HSPG2: variants seen among roughly 807,000 people sequenced by gnomAD.
HSPG2 encodes heparan sulfate proteoglycan 2.
Under a neutral mutation model 526.6 loss-of-function variants are expected in HSPG2, and 278 were observed. The ratio of observed to expected loss-of-function variants is 0.53; its 90% CI spans 0.48 to 0.58. HSPG2 has a LOEUF of 0.58. HSPG2 is among the 20% of genes least tolerant of loss of function. The pLI, the probability that HSPG2 is intolerant of heterozygous loss-of-function variation, is 0.00. For missense variants in HSPG2, 5,354 were observed against 6,099.5 expected (o/e 0.88, Z 4.07); for synonymous variants, 2,465 against 2,555.4 (o/e 0.96, Z 1.07).
At chr1:21,834,631 C>T (rs191535738) in intron 77 of HSPG2, 48 bp downstream of exon 77, 3 of 1,603,456 alleles carry the variant, frequency 1.9e-6, no homozygotes, top group East Asian at 4.5e-5. Context: ...CAGGAGAAGC[C>T]CCTGCCCCAC....
At chr1:21,919,194 G>A (rs143570824) in intron 1 of HSPG2, among the ~76,000 whole-genome samples, 28 of 152,318 alleles carry the variant, frequency 1.8e-4, no homozygotes, top group African/African-American at 6.5e-4. Context: ...GAGCAACCAA[G>A]GCTGGCGGAT....
intron 28 of HSPG2, 47 bp downstream of exon 28, chr1:21,874,359 G>T (rs775890756): frequency 6.2e-7 from 1 of 1,608,676 alleles, no homozygotes; most frequent in South Asian, 1.1e-5. Context: ...GGGAGCGGGT[G>T]GTAGACATTT....
intron 18 of HSPG2, 117 bp from the exon 19 acceptor site, chr1:21,878,780 C>T: frequency 8.2e-7 from 1 of 1,216,840 alleles, no homozygotes; most frequent in Non-Finnish European, 1.2e-6. Flanking sequence ...ATGACGCCAT[C>T]TCCCTGCCCG....
At chr1:21,901,485 G>A (rs1643100190) in intron 1 of HSPG2, among the ~76,000 whole-genome samples, 1 of 152,022 alleles carries the variant, frequency 6.6e-6, no homozygotes, top group Non-Finnish European at 1.5e-5. Flanking sequence ...CCTAGCAAGG[G>A]GTGGGCAATA....
chr1:21,872,461 C>A lies in HSPG2; in HGVS notation c.4030-84G>T, dbSNP rs1463840418. ...TGGGGCACGGGAGGGTGTTAAGGTG[C>A]GGAATGGGGTCCTGTTGAGATCAGG... On this transcript the variant is annotated intron_variant, in intron 32 of 96. Coordinates refer to ENST00000374695, the MANE Select transcript of HSPG2 (RefSeq NM_005529.7). This position sits in a 1 kb window ranked among gnomAD's most constrained non-coding sequence, Gnocchi z 5.5. 3.5e-6 allele frequency: 5 copies of A among 1,418,308 alleles called. No homozygotes were observed. The highest frequency in any genetic ancestry group is 4.9e-6 in the Non-Finnish European group (5 of 1,030,734). The allele number at this position is 1,418,308 out of a possible 1,614,324, so 87.9% of individuals were successfully genotyped here.
Position 21,841,275 on chromosome 1 carries a change from T to C in HSPG2, c.9339A>G (p.Thr3113=), listed in dbSNP as rs548871582. The change falls in exon 71 of 97, where the codon ACA becomes ACG. Residue 3113 remains threonine, a synonymous_variant. Coordinates refer to ENST00000374695, the MANE Select transcript of HSPG2 (RefSeq NM_005529.7). ...VVNLSVHGPP[T]VSVLPEGPVW... Reference sequence around the variant, plus strand: ...CGGGGCCCTCGGGGAGCACGGACACTGTAGGGGGCCCTGTGCGGAGGAATG... The same window carrying C: ...CGGGGCCCTCGGGGAGCACGGACACCGTAGGGGGCCCTGTGCGGAGGAATG... 3.1e-6 allele frequency: 5 copies of C among 1,613,712 alleles called. No homozygotes were observed. The highest frequency in any genetic ancestry group is 4.5e-5 in the East Asian group (2 of 44,870).
Position 21,859,882 on chromosome 1 carries a change from C to A in HSPG2, c.5135G>T (p.Arg1712Leu). The part of the protein sequence containing the change: ...GSPPHYFYWS[R>L]EDGRPVPSGT... The stretch of plus-strand genomic sequence containing the variant: ...GCTGGGCACAGGCCGCCCATCCTCA[C>A]GGGACCAATAGAAGTAGTGGGGTGG... Residue 1712 changes from arginine (R) to leucine (L), a missense_variant, in exon 41 of 97, where the codon CGT becomes CTT. Transcript: ENST00000374695. The surrounding 1 kb of genome is among the most constrained non-coding windows in gnomAD (Gnocchi z 5.3). The A allele has an allele frequency of 1.2e-6, 2 of 1,611,216 alleles. No individual in the cohort carries two copies. The highest frequency in any genetic ancestry group is 1.7e-6 in the Non-Finnish European group (2 of 1,179,594).
rs766592389 is a variant in HSPG2 at position 21,857,323 on chromosome 1, C to T, written c.5356G>A (p.Gly1786Arg). ...GTGCAGATGAAGGTGACGTCAGCTC[C>T]GGGGCGCACGCTCTGGCTCCGCTGC... is the stretch of plus-strand genomic sequence containing the variant. ...EEQRSQSVRP[G>R]ADVTFICTAK... Residue 1786 changes from glycine (G) to arginine (R), a missense_variant, in exon 43 of 97, where the codon GGA (glycine) becomes AGA (arginine). Gly to Arg is a moderately radical substitution (Grantham distance 125). Transcript: ENST00000374695. The T allele has an allele frequency of 1.3e-5, 21 of 1,613,972 alleles. No homozygotes were observed. Among genetic ancestry groups the T allele is most frequent in the Admixed American group, 8.3e-5 (5 of 60,000 alleles).
chr1:21,871,411 C>T (rs1640642448), intron 33 of HSPG2, among the ~76,000 whole-genome samples: 1 of 152,072 alleles, frequency 6.6e-6, no homozygotes, highest in African/African-American at 2.4e-5. Flanking sequence ...CAGGCATGCA[C>T]CAACACGCCC....
At position 21,859,269 on chromosome 1, in the gene HSPG2, G is replaced by A. The variant is rs966636098; in HGVS notation, c.5293+297C>T. 1.3e-5 allele frequency among the ~76,000 whole-genome samples: 2 copies of A among 152,048 alleles called. No individual in the cohort carries two copies. Among genetic ancestry groups the A allele is most frequent in the African/African-American group, 2.4e-5 (1 of 41,396 alleles). Reference sequence around the variant, plus strand: ...TTACGACGTTGGCCAGGCTGGTCTCGAACTCCTGACCTCATGATCTGCCCA... The same window carrying A: ...TTACGACGTTGGCCAGGCTGGTCTCAAACTCCTGACCTCATGATCTGCCCA... On this transcript the variant is annotated intron_variant, in intron 42 of 96. Coordinates refer to ENST00000374695, the MANE Select transcript of HSPG2 (RefSeq NM_005529.7). The surrounding 1 kb of genome is among the most constrained non-coding windows in gnomAD (Gnocchi z 5.3).
chr1:21,872,125 C>A lies in HSPG2; in HGVS notation c.4221+61G>T, dbSNP rs56270915. 5.7e-3 allele frequency: 8,676 copies of A among 1,528,944 alleles called. 40 individuals are homozygous for A. The highest frequency in any genetic ancestry group is 6.8e-3 in the Non-Finnish European group (7,662 of 1,127,368). The allele number at this position is 1,528,944 out of a possible 1,614,324, so 94.7% of individuals were successfully genotyped here. ...TGGCAGGTGCCTGCCTGCTGAGAGA[C>A]GGCGCAGAGGTGAACTCATGTCTGA... is the stretch of plus-strand genomic sequence containing the variant. On this transcript the variant is annotated intron_variant, in intron 33 of 96. Coordinates refer to ENST00000374695, the MANE Select transcript of HSPG2 (RefSeq NM_005529.7). This position sits in a 1 kb window ranked among gnomAD's most constrained non-coding sequence, Gnocchi z 5.5.
chr1:21,875,020 C>G lies in HSPG2; in HGVS notation c.3303-18G>C. 1 of 1,555,722 alleles carries G rather than the reference C, an allele frequency of 6.4e-7. No homozygotes were observed. Among genetic ancestry groups the G allele is most frequent in the Admixed American group, 1.8e-5 (1 of 54,640 alleles). On this transcript the variant is annotated intron_variant, in intron 25 of 96. Transcript: ENST00000374695. The stretch of plus-strand genomic sequence containing the variant: ...CAGAGACCCTGGGCGTGACAAGACC[C>G]AGCGTGAATAGGAGTGCTGGCTCTG...
In HSPG2 at chr1:21,824,610, G is replaced by A; in HGVS notation, c.12671C>T (p.Pro4224Leu). ...FPGHVFSRSLPEVPETIELEV... is the reference protein window; with the variant it reads ...FPGHVFSRSLLEVPETIELEV... ...CAGCTCGATGGTCTCGGGCACCTCG[G>A]GCAGGCTGCGGAGGAAGAGCGGGTG... Residue 4224 changes from proline (P) to leucine (L), a missense_variant, in exon 93 of 97, where the codon CCC becomes CTC. Coordinates refer to ENST00000374695, the MANE Select transcript of HSPG2 (RefSeq NM_005529.7). The surrounding 1 kb of genome is among the most constrained non-coding windows in gnomAD (Gnocchi z 5.9). 1.2e-6 allele frequency: 2 copies of A among 1,614,078 alleles called. No individual in the cohort carries two copies. The highest frequency in any genetic ancestry group is 2.2e-5 in the South Asian group (2 of 91,086).
At chr1:21,829,726 C>G (rs942686905) in intron 86 of HSPG2, 122 bp from the exon 87 acceptor site, 2 of 862,610 alleles carry the variant, frequency 2.3e-6, no homozygotes, top group Non-Finnish European at 1.8e-6. Context: ...GGCTCAGGAC[C>G]AGTTGGCACC....
At chr1:21,870,706 AC>A (rs1640575650) in intron 33 of HSPG2, 1 of 445,544 alleles carries the variant, frequency 2.2e-6, no homozygotes, top group Admixed American at 6.4e-5. Flanking sequence ...GTCATGGGAC[AC>A]CGCCTGGATT....
rs1285255260 is a variant in HSPG2, at chr1:21,890,082, C to A, written c.473G>T (p.Gly158Val). ...GAGCAGCATCTCCTGAATCTGAGCC[C>A]CATCCGCATTCCCTTCCGAGCCCAC... is the stretch of plus-strand genomic sequence containing the variant. ...LDVGSEGNAD[G>V]AQIQEMLLRV... Residue 158 changes from glycine to valine, a missense_variant, in exon 6 of 97, where the codon GGG becomes GTG. Coordinates refer to ENST00000374695, the MANE Select transcript of HSPG2 (RefSeq NM_005529.7). The surrounding 1 kb of genome is among the most constrained non-coding windows in gnomAD (Gnocchi z 4.1). 6.2e-7 allele frequency: 1 copy of A among 1,613,988 alleles called. No homozygotes were observed. The highest frequency in any genetic ancestry group is 1.3e-5 in the African/African-American group (1 of 74,988).
chr1:21,879,202 G>C, intron 17 of HSPG2, 81 bp from the exon 18 acceptor site: 1 of 1,537,976 alleles, frequency 6.5e-7, no homozygotes. Context: ...AGGCTGTCTA[G>C]CTCAGCCTCC....
chr1:21,829,844 TG>T, intron 86 of HSPG2, 148 bp downstream of exon 86: 1 of 785,744 alleles, frequency 1.3e-6, no homozygotes, highest in Non-Finnish European at 2.1e-6. Context: ...GGGCTCAGGC[TG>T]GGCAGACATG....
intron 13 of HSPG2, among the ~76,000 whole-genome samples, chr1:21,882,441 A>G (rs1641590823): frequency 7.4e-6 from 1 of 134,734 alleles, no homozygotes; most frequent in Non-Finnish European, 1.7e-5. Flanking sequence ...ACACACACAC[A>G]CAGTCACCCT....
Sources: allele counts gnomAD v4.1 joint callset (sites outside exome capture counted in the v4.1 genomes callset), GRCh38; gene constraint gnomAD v4.1.1; non-coding constraint Gnocchi (gnomAD v3.1); transcripts MANE v1.5; gene names NCBI Gene and HGNC (gene_info 2026-07-23, HGNC 2026-07-21).